The following RHBDD1 variants were observed in gnomAD, a reference collection of about 807,000 sequenced individuals.
RHBDD1 encodes rhomboid domain containing 1, also known as rhomboid-related protein 4.
Under a neutral mutation model 36.3 loss-of-function variants are expected in RHBDD1, and 38 were observed. The ratio of observed to expected loss-of-function variants is 1.05; its 90% confidence interval spans 0.81 to 1.37. The LOEUF (loss-of-function observed/expected upper bound fraction) is 1.37, where lower values mean the gene tolerates loss of function less well. Ranked by LOEUF, RHBDD1 falls within the 40% of genes most tolerant of loss-of-function variation. RHBDD1 has a pLI of 0.00. For synonymous variants in RHBDD1, 151 were observed against 136.5 expected (o/e 1.11, Z -0.74); for missense variants, 393 against 377.6 (o/e 1.04, Z -0.34).
chr2:226,942,607 T>A (rs1269028706), intron 8 of RHBDD1: 1 of 266,402 alleles, frequency 3.8e-6, no homozygotes, highest in African/African-American at 2.3e-5. Context: ...GATAATTCTT[T>A]GCTAAATTAA....
At chr2:226,961,535 T>G (rs539383031) in intron 8 of RHBDD1, among the ~76,000 whole-genome samples, 1 of 133,192 alleles carries the variant, frequency 7.5e-6, no homozygotes, top group Admixed American at 7.8e-5. Flanking sequence ...TCAAGTACAT[T>G]TCATGCATTT....
At chr2:226,960,398 A>G (rs1952107183) in intron 8 of RHBDD1, among the ~76,000 whole-genome samples, 2 of 152,226 alleles carry the variant, frequency 1.3e-5, no homozygotes, top group South Asian at 2.1e-4. Flanking sequence ...TACTCTGTGC[A>G]TAAGAGAATT....
the RHBDD1 span, among the ~76,000 whole-genome samples, chr2:226,820,664 A>G: frequency 7.3e-5 from 11 of 150,990 alleles, no homozygotes; most frequent in South Asian, 6.3e-4. Context: ...AAAAAAAAAA[A>G]AAAAAGAAAA....
intron 8 of RHBDD1, among the ~76,000 whole-genome samples, chr2:226,918,774 T>A (rs1949096852): frequency 6.6e-6 from 1 of 152,130 alleles, no homozygotes. Context: ...ACAGTAAACA[T>A]GGGAATATAG....
chr2:226,993,245 G>A (rs1958670145), intron 8 of RHBDD1, among the ~76,000 whole-genome samples: 1 of 152,236 alleles, frequency 6.6e-6, no homozygotes, highest in Admixed American at 6.5e-5. Flanking sequence ...AGGACTCTGT[G>A]TTTCCCTCTG....
intron 8 of RHBDD1, among the ~76,000 whole-genome samples, chr2:226,941,359 C>T (rs992386266): frequency 1.6e-4 from 24 of 152,222 alleles, no homozygotes; most frequent in African/African-American, 5.5e-4. Context: ...GGCTTGACTG[C>T]AAATGGACTC....
chr2:226,881,066 G>C (rs1945685920), intron 5 of RHBDD1, among the ~76,000 whole-genome samples: 1 of 152,176 alleles, frequency 6.6e-6, no homozygotes, highest in Admixed American at 6.5e-5. Flanking sequence ...TTATAATCAT[G>C]GTGGAAGGTG....
chr2:226,971,596 T>C (rs762251237), intron 8 of RHBDD1, among the ~76,000 whole-genome samples: 2 of 152,240 alleles, frequency 1.3e-5, no homozygotes, highest in African/African-American at 2.4e-5. Context: ...TTTCTCTCTG[T>C]TTAGTTGCTA....
In RHBDD1 at chr2:226,990,122, CAAAAAG is replaced by C. The variant is rs1957849190; in HGVS notation, c.857-5308_857-5303del. On this transcript the variant is annotated intron_variant, in intron 8 of 8. Transcript: ENST00000392062. ...AGAGAGAATATTATAATTAGTGACTCAAAAAGTAAAGTGTGGTTACTGTCTTTAAGC... is the reference window on the plus strand; with the variant it reads ...AGAGAGAATATTATAATTAGTGACTCTAAAGTGTGGTTACTGTCTTTAAGC... Among the ~76,000 whole-genome samples the C allele has an allele frequency of 5.9e-5, 9 of 152,272 alleles. No homozygotes were observed. The South Asian group carries it at 1.7e-3, about 28-fold the overall frequency.
intron 8 of RHBDD1, among the ~76,000 whole-genome samples, chr2:226,984,643 C>T (rs987159040): frequency 2.6e-5 from 4 of 152,180 alleles, no homozygotes; most frequent in East Asian, 1.9e-4. Context: ...CAACAGCTAA[C>T]GCCCTGGGGT....
At chr2:226,986,410 T>C (rs1450473543) in intron 8 of RHBDD1, among the ~76,000 whole-genome samples, 4 of 152,210 alleles carry the variant, frequency 2.6e-5, no homozygotes, top group African/African-American at 9.7e-5. Flanking sequence ...GGGAATAGAC[T>C]TGTCTGCAGT....
chr2:226,801,300 T>C, the RHBDD1 span, among the ~76,000 whole-genome samples: 2 of 152,172 alleles, frequency 1.3e-5, no homozygotes, highest in African/African-American at 4.8e-5. Flanking sequence ...ATGGCCTGTT[T>C]TTCAAGCCTT....
chr2:226,977,945 G>A (rs1194449202), intron 8 of RHBDD1, among the ~76,000 whole-genome samples: 1 of 152,176 alleles, frequency 6.6e-6, no homozygotes, highest in African/African-American at 2.4e-5. Context: ...ATCAAAAAGA[G>A]GCTGTTTGGG....
the RHBDD1 span, among the ~76,000 whole-genome samples, chr2:226,825,598 C>T: frequency 9.4e-4 from 143 of 152,228 alleles, no homozygotes; most frequent in African/African-American, 3.3e-3. Context: ...CAGTAAATGG[C>T]TATTTTCATT....
intron 5 of RHBDD1, among the ~76,000 whole-genome samples, chr2:226,902,227 C>G (rs1010831918): frequency 6.6e-6 from 1 of 152,234 alleles, no homozygotes; most frequent in African/African-American, 2.4e-5. Flanking sequence ...TTCACAACTT[C>G]TGTTTAACAC....
intron 8 of RHBDD1, among the ~76,000 whole-genome samples, chr2:226,981,217 TGG>T (rs929730016): frequency 6.6e-6 from 1 of 151,880 alleles, no homozygotes; most frequent in African/African-American, 2.4e-5. Flanking sequence ...GGGCCTGTCA[TGG>T]GGTGAGGGAT....
chr2:226,800,296 G>C, the RHBDD1 span: 2 of 152,384 alleles, frequency 1.3e-5, no homozygotes, highest in Non-Finnish European at 2.9e-5. Flanking sequence ...CTAGATTTCG[G>C]CTTCAGGGCG....
the RHBDD1 span, among the ~76,000 whole-genome samples, chr2:226,814,934 G>A: frequency 6.6e-6 from 1 of 152,260 alleles, no homozygotes. Flanking sequence ...TGGAAGAGGA[G>A]CCCAGGGTCA....
rs190475058 is a variant in RHBDD1, at chr2:226,930,176, A to G, written c.856+15825A>G. ...AAAAATAACCCAAAAATTCATATGG[A>G]ACCAAAAAAGAGCCTGAATGCCAAA... On this transcript the variant is annotated intron_variant, in intron 8 of 8. Transcript: ENST00000392062. Among the ~76,000 whole-genome samples the G allele has an allele frequency of 1.8e-3, 271 of 152,186 alleles. 1 individual carries two copies. The highest frequency in any genetic ancestry group is 3.1e-3 in the Admixed American group (48 of 15,272).
Sources: gnomAD v4.1 joint callset for allele counts (sites outside exome capture counted in the v4.1 genomes callset) on GRCh38, gnomAD v4.1.1 for gene constraint, MANE v1.5 for transcripts, NCBI Gene and HGNC (gene_info 2026-07-23, HGNC 2026-07-21) for gene names.